Variants in LRIG1 observed in about 807,000 individuals in gnomAD.
LRIG1 encodes the protein leucine rich repeats and immunoglobulin like domains 1.
LRIG1 carries 48 observed loss-of-function variants against 99.2 expected under a neutral mutation model. That is an observed-to-expected ratio of 0.48 (90% confidence interval 0.38 to 0.62). The LOEUF (loss-of-function observed/expected upper bound fraction) is 0.62. LRIG1 is among the 20% of genes least tolerant of loss of function. The pLI is 0.00. For synonymous variants in LRIG1, 772 were observed against 596.1 expected (o/e 1.29, Z -4.30); for missense variants, 1,646 against 1,434.4 (o/e 1.15, Z -2.38).
chr3:66,403,198 G>A lies in LRIG1; in HGVS notation c.1160+2000C>T, dbSNP rs191013780. The stretch of plus-strand genomic sequence containing the variant: ...CTGCCCGTTCTCAAACCCAGCAGGA[G>A]TTTATGGAATCCAAATCATAGGCAT... On this transcript the variant is annotated intron_variant, in intron 9 of 18. Coordinates refer to ENST00000273261, the MANE Select transcript of LRIG1 (RefSeq NM_015541.3). Among the ~76,000 whole-genome samples, 3 of 152,208 alleles carry A rather than the reference G, an allele frequency of 2.0e-5. No individual in the cohort carries two copies. The East Asian group carries it at 5.8e-4, about 29-fold the overall frequency.
In LRIG1 at chr3:66,417,169, G is replaced by A. The variant is rs759042822; in HGVS notation, c.463C>T (p.Arg155Trp). The stretch of plus-strand genomic sequence containing the variant: ...GGTCCGTGTGGAAAGCAGGTGTTCC[G>A]CACTTCCGTGATGTTGTTCAAACTC... ...DLSLNNITEVRNTCFPHGPPI... is the reference protein window; with the variant it reads ...DLSLNNITEVWNTCFPHGPPI... The change falls in exon 4 of 19, where the codon CGG becomes TGG. Residue 155 changes from arginine (R) to tryptophan (W), a missense_variant. Physicochemically the swap from Arg to Trp is moderately radical, Grantham distance 101. Coordinates refer to ENST00000273261, the MANE Select transcript of LRIG1 (RefSeq NM_015541.3). The A allele has an allele frequency of 5.0e-6, 8 of 1,614,142 alleles. No homozygotes were observed. The highest frequency in any genetic ancestry group is 3.3e-5 in the South Asian group (3 of 91,072).
intron 3 of LRIG1, among the ~76,000 whole-genome samples, chr3:66,441,113 G>T (rs1370898368): frequency 1.3e-5 from 2 of 152,154 alleles, no homozygotes; most frequent in Admixed American, 1.3e-4. Flanking sequence ...TCTACAATAG[G>T]ACAGCTAGTT....
intron 4 of LRIG1, 91 bp downstream of exon 4, chr3:66,417,038 T>C: frequency 2.0e-6 from 3 of 1,503,632 alleles, no homozygotes; most frequent in Non-Finnish European, 2.7e-6. Flanking sequence ...GAAGGAAGCA[T>C]CCCTCCTGCA....
chr3:66,419,541 A>C (rs1170787358), intron 3 of LRIG1, among the ~76,000 whole-genome samples: 1 of 152,102 alleles, frequency 6.6e-6, no homozygotes, highest in Admixed American at 6.5e-5. Context: ...TGAGGGTAGG[A>C]TGCTGAGGCC....
chr3:66,441,464 T>C (rs1018276053), intron 3 of LRIG1, among the ~76,000 whole-genome samples: 6 of 151,832 alleles, frequency 4.0e-5, no homozygotes, highest in African/African-American at 1.5e-4. Context: ...TGAATTGACA[T>C]GAGAGAGAGA....
chr3:66,402,484 C>T (rs1702096405), intron 9 of LRIG1, among the ~76,000 whole-genome samples: 1 of 152,206 alleles, frequency 6.6e-6, no homozygotes, highest in South Asian at 2.1e-4. Flanking sequence ...CACAGAGAGG[C>T]CGTTTATGGC....
At chr3:66,389,869 T>C (rs375516598) in intron 12 of LRIG1, among the ~76,000 whole-genome samples, 2 of 152,274 alleles carry the variant, frequency 1.3e-5, no homozygotes, top group South Asian at 4.1e-4. Flanking sequence ...TCCATCAAGT[T>C]TGAAACTCTC....
intron 11 of LRIG1, among the ~76,000 whole-genome samples, chr3:66,397,315 G>A (rs1701888481): frequency 2.0e-5 from 3 of 152,156 alleles, no homozygotes; most frequent in Admixed American, 6.5e-5. Context: ...TGGGGATGAG[G>A]TCAGGGCACA....
intron 10 of LRIG1, among the ~76,000 whole-genome samples, chr3:66,398,466 T>G (rs41291201): frequency 1.9e-4 from 29 of 151,628 alleles, no homozygotes; most frequent in South Asian, 6.2e-4. Context: ...GGAAACAAAC[T>G]AAGAATCACA....
chr3:66,436,875 A>G (rs568528766), intron 3 of LRIG1, among the ~76,000 whole-genome samples: 2 of 152,312 alleles, frequency 1.3e-5, no homozygotes, highest in East Asian at 3.9e-4. Flanking sequence ...TGATGAAATG[A>G]TCTTAGGAAG....
chr3:66,444,117 G>T (rs113574782), intron 3 of LRIG1, among the ~76,000 whole-genome samples: 1 of 152,162 alleles, frequency 6.6e-6, no homozygotes, highest in Admixed American at 6.5e-5. Flanking sequence ...GACTCCTGCC[G>T]GGGGAGAGGG....
chr3:66,381,448 G>T (rs777923481), intron 17 of LRIG1, 31 bp downstream of exon 17: 2 of 1,595,484 alleles, frequency 1.3e-6, no homozygotes, highest in Admixed American at 3.4e-5. Flanking sequence ...ATTTCAGAAA[G>T]AAACTACTTC....
At chr3:66,415,802 A>C (rs760839479) in intron 4 of LRIG1, among the ~76,000 whole-genome samples, 5 of 152,212 alleles carry the variant, frequency 3.3e-5, no homozygotes, top group Non-Finnish European at 5.9e-5. Flanking sequence ...AAAAGAAAAG[A>C]AAGTACAAGG....
intron 1 of LRIG1, among the ~76,000 whole-genome samples, chr3:66,488,386 G>A (rs976031802): frequency 1.3e-5 from 2 of 151,456 alleles, no homozygotes; most frequent in Admixed American, 6.6e-5. Flanking sequence ...ACTTTGGGAC[G>A]CTGAGGTGGA....
At chr3:66,434,626 A>T (rs1309069774) in intron 3 of LRIG1, among the ~76,000 whole-genome samples, 1 of 152,050 alleles carries the variant, frequency 6.6e-6, no homozygotes, top group East Asian at 1.9e-4. Flanking sequence ...GTAAGCCTGC[A>T]ATCCCAGCTT....
intron 1 of LRIG1, among the ~76,000 whole-genome samples, chr3:66,467,420 G>A (rs767347939): frequency 6.8e-6 from 1 of 147,780 alleles, no homozygotes; most frequent in Non-Finnish European, 1.5e-5. Flanking sequence ...GCGTGCAGCG[G>A]TGCATCTCCG....
chr3:66,470,369 AG>A (rs1188007837), intron 1 of LRIG1, among the ~76,000 whole-genome samples: 1 of 152,248 alleles, frequency 6.6e-6, no homozygotes, highest in Non-Finnish European at 1.5e-5. Flanking sequence ...GCAAGATTTC[AG>A]CTAAGCCTAG....
At position 66,380,196 on chromosome 3, in the gene LRIG1, C is replaced by A. The variant is rs1700952057; in HGVS notation, c.*67G>T. On this transcript the variant is annotated 3_prime_UTR_variant, in exon 19 of 19. Coordinates refer to ENST00000273261, the MANE Select transcript of LRIG1 (RefSeq NM_015541.3). ...ATGAGTGACGCTTGAACCCAAGCTT[C>A]CTCGCAGCCTCTCCTACCTCTCTTT... is the stretch of plus-strand genomic sequence containing the variant. 3.7e-6 allele frequency: 5 copies of A among 1,357,678 alleles called. No individual in the cohort carries two copies. Among genetic ancestry groups the A allele is most frequent in the Non-Finnish European group, 5.1e-6 (5 of 985,362 alleles). 84.1% of individuals were successfully genotyped at this position (1,357,678 alleles called of 1,614,324 possible). A position where few individuals can be genotyped will look rare whatever the true frequency, so the allele number is the denominator to read the frequency against.
chr3:66,408,836 A>G (rs1702365404), intron 7 of LRIG1, among the ~76,000 whole-genome samples: 1 of 151,936 alleles, frequency 6.6e-6, no homozygotes, highest in Non-Finnish European at 1.5e-5. Context: ...AGAATCCAAG[A>G]AAAGTTAGGA....
Sources: gnomAD v4.1 joint callset for allele counts (sites outside exome capture counted in the v4.1 genomes callset) on GRCh38, gnomAD v4.1.1 for gene constraint, MANE v1.5 for transcripts, NCBI Gene and HGNC (gene_info 2026-07-23, HGNC 2026-07-21) for gene names.